The following NRXN1 variants were observed in gnomAD, a reference collection of about 807,000 sequenced individuals.
NRXN1 encodes neurexin-1.
Under a neutral mutation model 150.9 loss-of-function variants are expected in NRXN1, and 39 were observed. The ratio of observed to expected loss-of-function variants is 0.26; its 90% CI spans 0.20 to 0.34. NRXN1 has a LOEUF of 0.34. Among genes scored for constraint, NRXN1 ranks in the 10% least tolerant of loss-of-function variants. The probability of loss-of-function intolerance (pLI) is 1.00; values close to 1 mark genes in which losing one functional copy is unlikely to be tolerated. For missense variants in NRXN1, 1,815 were observed against 1,949.9 expected (o/e 0.93, Z 1.30); for synonymous variants, 924 against 757.0 (o/e 1.22, Z -3.62).
chr2:50,233,130 C>A (rs549127221), intron 18 of NRXN1, among the ~76,000 whole-genome samples: 2 of 152,152 alleles, frequency 1.3e-5, no homozygotes, highest in East Asian at 3.9e-4. Context: ...TTTATTAAAT[C>A]TATTAAATTC....
chr2:50,918,584 A>T, intron 5 of NRXN1: 1 of 373,594 alleles, frequency 2.7e-6, no homozygotes, highest in Admixed American at 4.6e-5. Flanking sequence ...TTCATGTATA[A>T]CATATTTTGA....
chr2:50,869,632 T>A (rs1489890137), intron 5 of NRXN1, among the ~76,000 whole-genome samples: 1 of 151,796 alleles, frequency 6.6e-6, no homozygotes, highest in Non-Finnish European at 1.5e-5. Flanking sequence ...ATAGAGCTAC[T>A]GATGACACAC....
At chr2:50,947,600 A>G (rs1690603969) in intron 2 of NRXN1, among the ~76,000 whole-genome samples, 3 of 151,964 alleles carry the variant, frequency 2.0e-5, no homozygotes, top group Admixed American at 2.0e-4. Context: ...TATAGAGCTT[A>G]GATTATATTC....
At chr2:49,995,279 A>T (rs1215213925) in intron 21 of NRXN1, among the ~76,000 whole-genome samples, 1 of 152,194 alleles carries the variant, frequency 6.6e-6, no homozygotes, top group Non-Finnish European at 1.5e-5. Context: ...AATGTTTTAT[A>T]AAAAACCTTC....
chr2:50,893,429 A>G (rs746907311), intron 5 of NRXN1, among the ~76,000 whole-genome samples: 1 of 152,174 alleles, frequency 6.6e-6, no homozygotes, highest in Non-Finnish European at 1.5e-5. Flanking sequence ...GAACGTCAAT[A>G]TATAAGGCAG....
intron 8 of NRXN1, among the ~76,000 whole-genome samples, chr2:50,553,858 C>T (rs1237232437): frequency 6.6e-6 from 1 of 152,186 alleles, no homozygotes; most frequent in Non-Finnish European, 1.5e-5. Context: ...TTCCAATTAA[C>T]ACATTTGATA....
At chr2:50,299,439 A>G (rs2073952776) in intron 17 of NRXN1, among the ~76,000 whole-genome samples, 1 of 151,020 alleles carries the variant, frequency 6.6e-6, no homozygotes, top group Admixed American at 6.6e-5. Flanking sequence ...ACTGACTTCT[A>G]AATTTATTTT....
At chr2:50,492,581 C>A (rs2091315273) in intron 15 of NRXN1, among the ~76,000 whole-genome samples, 1 of 152,072 alleles carries the variant, frequency 6.6e-6, no homozygotes, top group Non-Finnish European at 1.5e-5. Flanking sequence ...AAAAGAAATT[C>A]TACTTCCCCT....
At chr2:50,045,134 G>T (rs1297329429) in intron 21 of NRXN1, among the ~76,000 whole-genome samples, 1 of 148,640 alleles carries the variant, frequency 6.7e-6, no homozygotes, top group African/African-American at 2.5e-5. Context: ...ATTTTTTATT[G>T]CTGGAGAACT....
chr2:50,692,387 T>C (rs1164460061), intron 5 of NRXN1, among the ~76,000 whole-genome samples: 1 of 152,226 alleles, frequency 6.6e-6, no homozygotes, highest in Non-Finnish European at 1.5e-5. Context: ...GCAGTAATAT[T>C]ATGTGCTTGT....
At chr2:50,407,808 C>T (rs761833376) in intron 17 of NRXN1, among the ~76,000 whole-genome samples, 3 of 152,030 alleles carry the variant, frequency 2.0e-5, no homozygotes, top group African/African-American at 4.8e-5. Flanking sequence ...GCCTCCACAA[C>T]GGTAAGAAAT....
At chr2:50,139,063 T>C (rs1706846136) in intron 18 of NRXN1, among the ~76,000 whole-genome samples, 1 of 152,136 alleles carries the variant, frequency 6.6e-6, no homozygotes, top group Non-Finnish European at 1.5e-5. Flanking sequence ...AGGTGGCTCA[T>C]ACCTGTAATC....
chr2:50,484,567 C>T (rs1218877538), intron 15 of NRXN1, among the ~76,000 whole-genome samples: 1 of 152,160 alleles, frequency 6.6e-6, no homozygotes, highest in African/African-American at 2.4e-5. Context: ...GATTGATAGG[C>T]CAACCCCCAA....
At chr2:50,592,959 C>T (rs748519275) in intron 8 of NRXN1, among the ~76,000 whole-genome samples, 8 of 152,152 alleles carry the variant, frequency 5.3e-5, no homozygotes, top group Non-Finnish European at 1.2e-4. Context: ...GCCTCGTAGC[C>T]AAATGGACCA....
At position 50,753,964 on chromosome 2, in the gene NRXN1, T is replaced by TGG. The variant is rs1554047725; in HGVS notation, c.833-130351_833-130350dup. 6.3e-3 allele frequency among the ~76,000 whole-genome samples: 745 copies of TGG among 117,674 alleles called. 4 individuals carry two copies. The highest frequency in any genetic ancestry group is 0.015 in the African/African-American group (443 of 29,598). 77.2% of individuals were successfully genotyped at this position (117,674 alleles called of 152,430 possible). A position where few individuals can be genotyped will look rare whatever the true frequency, so the allele number is the denominator to read the frequency against. On this transcript the variant is annotated intron_variant, in intron 5 of 22. Transcript: ENST00000401669. ...TAAATTCATCATGACGATTTTTTTT[T>TGG]GGGGGGGGGCGGAATTCCCAATGGC...
chr2:50,148,267 A>G (rs1035662758), intron 18 of NRXN1, among the ~76,000 whole-genome samples: 1 of 151,622 alleles, frequency 6.6e-6, no homozygotes, highest in African/African-American at 2.4e-5. Flanking sequence ...CCATTTATTG[A>G]TTACATGACT....
At chr2:50,053,127 G>T in intron 21 of NRXN1, 144 bp downstream of exon 21, 2 of 761,518 alleles carry the variant, frequency 2.6e-6, no homozygotes, top group Non-Finnish European at 4.5e-6. Context: ...CAAACGGAAT[G>T]CATTATGTTA....
chr2:49,973,794 A>G, intron 21 of NRXN1: 1 of 576,888 alleles, frequency 1.7e-6, no homozygotes, highest in Non-Finnish European at 3.1e-6. Context: ...AGCGTGCATA[A>G]ATTTGACATG....
chr2:50,749,431 C>T (rs1009843527), intron 5 of NRXN1, among the ~76,000 whole-genome samples: 4 of 152,072 alleles, frequency 2.6e-5, no homozygotes, highest in Non-Finnish European at 5.9e-5. Context: ...ATCCCACGCC[C>T]TTTCCTGATT....
Sources: gnomAD v4.1 joint callset for allele counts (sites outside exome capture counted in the v4.1 genomes callset) on GRCh38, gnomAD v4.1.1 for gene constraint, MANE v1.5 for transcripts, NCBI Gene and HGNC (gene_info 2026-07-23, HGNC 2026-07-21) for gene names.